CAST: variants seen among roughly 807,000 people sequenced by gnomAD.
CAST encodes the protein calpastatin, also known as MIR583 host.
A neutral mutation model predicts 119.6 loss-of-function variants in CAST; 76 were observed. The observed-to-expected ratio is 0.64, with a 90% CI of 0.53 to 0.77. The LOEUF (loss-of-function observed/expected upper bound fraction) is 0.77. CAST is among the 30% of genes least tolerant of loss of function. The pLI is 0.00. For missense variants in CAST, 953 were observed against 946.5 expected (o/e 1.01, Z -0.09); for synonymous variants, 319 against 331.6 (o/e 0.96, Z 0.41).
the CAST span, among the ~76,000 whole-genome samples, chr5:96,481,453 A>T: frequency 1.3e-4 from 20 of 152,274 alleles, no homozygotes; most frequent in African/African-American, 4.8e-4. Context: ...AGACAATTTG[A>T]GCTGAATCAT....
chr5:96,042,683 C>A, the CAST span, among the ~76,000 whole-genome samples: 4 of 152,140 alleles, frequency 2.6e-5, no homozygotes, highest in Non-Finnish European at 4.4e-5. Flanking sequence ...GACAAAGTGG[C>A]TAAGAGTATG....
chr5:96,015,831 C>T, the CAST span, among the ~76,000 whole-genome samples: 1 of 152,108 alleles, frequency 6.6e-6, no homozygotes, highest in Admixed American at 6.5e-5. Context: ...CTGGAGGCCA[C>T]GCACAGCTAG....
chr5:96,628,825 A>AT (rs138585466), intron 1 of CAST, among the ~76,000 whole-genome samples: 3,326 of 152,194 alleles, frequency 0.022, 123 homozygotes, highest in African/African-American at 0.076. Flanking sequence ...CAACGAGCAA[A>AT]TATCTTGTGC....
chr5:96,210,276 A>AT, the CAST span: 1 of 151,866 alleles, frequency 6.6e-6, no homozygotes, highest in African/African-American at 2.4e-5. Context: ...TTTTCATCCA[A>AT]TTTTTTTCTA....
At chr5:96,545,120 T>C (rs1745986647) in intron 1 of CAST, 1 of 152,176 alleles carries the variant, frequency 6.6e-6, no homozygotes, top group Non-Finnish European at 1.5e-5. Flanking sequence ...TTCTTTCTCA[T>C]CTCTCAAAGA....
upstream of CAST, among the ~76,000 whole-genome samples, chr5:96,660,658 A>T (rs1198929639): frequency 6.6e-6 from 1 of 152,126 alleles, no homozygotes; most frequent in Non-Finnish European, 1.5e-5. Flanking sequence ...AAATCATTCT[A>T]GTTCCTGGGG....
the CAST span, chr5:95,973,082 TC>T: frequency 6.5e-6 from 1 of 153,976 alleles, no homozygotes; most frequent in Non-Finnish European, 1.4e-5. Context: ...GTGACATTGT[TC>T]AGGATGCGGT....
upstream of CAST, among the ~76,000 whole-genome samples, chr5:96,658,008 A>G (rs988278290): frequency 6.6e-6 from 1 of 152,152 alleles, no homozygotes; most frequent in Admixed American, 6.6e-5. Context: ...GAGAGGCAGG[A>G]GAATCACTTG....
chr5:96,086,671 G>A, the CAST span, among the ~76,000 whole-genome samples: 2 of 89,004 alleles, frequency 2.2e-5, no homozygotes, highest in African/African-American at 7.9e-5. Flanking sequence ...TTGGTCCAGA[G>A]AGGCTGTTAG....
chr5:96,138,795 G>A, the CAST span, among the ~76,000 whole-genome samples: 2 of 151,928 alleles, frequency 1.3e-5, no homozygotes, highest in Non-Finnish European at 2.9e-5. Context: ...AATTGGACTT[G>A]CTTATTAGTT....
chr5:96,394,310 A>C, the CAST span, among the ~76,000 whole-genome samples: 19 of 152,346 alleles, frequency 1.2e-4, no homozygotes, highest in Admixed American at 3.3e-4. Context: ...AGGAATGTGA[A>C]CGACTTATTT....
chr5:96,416,366 G>T, the CAST span, among the ~76,000 whole-genome samples: 1 of 152,212 alleles, frequency 6.6e-6, no homozygotes, highest in Non-Finnish European at 1.5e-5. Flanking sequence ...CCTTGGGTAA[G>T]TTACTTGTCT....
the CAST span, among the ~76,000 whole-genome samples, chr5:96,075,255 A>G: frequency 6.6e-6 from 1 of 152,224 alleles, no homozygotes. Context: ...CTGAGAAATC[A>G]AGCCAGGTAA....
chr5:96,741,981 A>G (rs1376173757), intron 15 of CAST: 1 of 169,508 alleles, frequency 5.9e-6, no homozygotes, highest in Non-Finnish European at 1.3e-5. Context: ...TTTCACTATG[A>G]CATAATTCTC....
At position 96,754,065 on chromosome 5, in the gene CAST, C is replaced by G. The variant is rs1255621590; in HGVS notation, c.1530C>G (p.Gly510=). The G allele has an allele frequency of 6.2e-7, 1 of 1,607,304 alleles. No homozygotes were observed. Among genetic ancestry groups the G allele is most frequent in the Non-Finnish European group, 8.5e-7 (1 of 1,173,932 alleles). The change falls in exon 21 of 32, where the codon GGC becomes GGG. Residue 510 remains glycine, a synonymous_variant. Transcript: ENST00000675179. ...SAPPEPATLK[G]TVPDDAVEAL... is the part of the protein sequence containing the mutation. ...ATCCACTAATGCACTTTCAGAAGGG[C>G]ACAGTGCCAGATGATGCTGTAGAAG...
At chr5:96,617,151 C>T (rs1276834274) in intron 1 of CAST, among the ~76,000 whole-genome samples, 1 of 152,054 alleles carries the variant, frequency 6.6e-6, no homozygotes, top group African/African-American at 2.4e-5. Context: ...TGTTAATTCT[C>T]CACCAGTGAT....
chr5:95,978,218 C>A, the CAST span, among the ~76,000 whole-genome samples: 2 of 152,136 alleles, frequency 1.3e-5, no homozygotes, highest in Admixed American at 1.3e-4. Flanking sequence ...TTTGAGGAAT[C>A]TCCACACTGC....
intron 29 of CAST, among the ~76,000 whole-genome samples, chr5:96,768,229 G>C (rs958282845): frequency 2.0e-5 from 3 of 151,922 alleles, no homozygotes; most frequent in Non-Finnish European, 4.4e-5. Context: ...GACTACAGGC[G>C]TGCACCACCA....
the CAST span, among the ~76,000 whole-genome samples, chr5:96,070,818 A>T: frequency 1.3e-5 from 2 of 152,310 alleles, no homozygotes; most frequent in East Asian, 1.9e-4. Flanking sequence ...AAGGCTAAAC[A>T]GGAAGTATGT....
Sources: gnomAD v4.1 joint callset for allele counts (sites outside exome capture counted in the v4.1 genomes callset) on GRCh38, gnomAD v4.1.1 for gene constraint, MANE v1.5 for transcripts, NCBI Gene and HGNC (gene_info 2026-07-23, HGNC 2026-07-21) for gene names.